Variants in UNC13C observed in about 807,000 individuals in gnomAD.
The protein encoded by UNC13C is protein unc-13 homolog C.
Under a neutral mutation model 245.4 loss-of-function variants are expected in UNC13C, and 174 were observed. That is an observed-to-expected ratio of 0.71 (90% CI 0.63 to 0.80). UNC13C has a LOEUF of 0.80. UNC13C is among the 30% of genes least tolerant of loss of function. The pLI is 0.00. For synonymous variants in UNC13C, 992 were observed against 895.1 expected (o/e 1.11, Z -1.93); for missense variants, 2,829 against 2,602.9 (o/e 1.09, Z -1.89).
intron 1 of UNC13C, among the ~76,000 whole-genome samples, chr15:53,981,646 C>T (rs1893931597): frequency 6.6e-6 from 1 of 152,090 alleles, no homozygotes. Flanking sequence ...TATTAATAGC[C>T]CTCTCAATCT....
At chr15:54,288,047 A>G (rs2037193976) in intron 10 of UNC13C, among the ~76,000 whole-genome samples, 1 of 152,168 alleles carries the variant, frequency 6.6e-6, no homozygotes, top group South Asian at 2.1e-4. Context: ...TCTTTGTCCA[A>G]CACTCCCAAT....
At chr15:54,290,599 T>C (rs993878693) in intron 10 of UNC13C, among the ~76,000 whole-genome samples, 1 of 152,072 alleles carries the variant, frequency 6.6e-6, no homozygotes, top group African/African-American at 2.4e-5. Flanking sequence ...ATATCATGTA[T>C]ATGTATTATG....
chr15:53,893,130 G>A, the UNC13C span, among the ~76,000 whole-genome samples: 1 of 152,130 alleles, frequency 6.6e-6, no homozygotes, highest in Non-Finnish European at 1.5e-5. Flanking sequence ...AGATCTGCTG[G>A]AGTTTTCTGA....
the UNC13C span, among the ~76,000 whole-genome samples, chr15:53,863,801 T>C: frequency 6.6e-6 from 1 of 152,236 alleles, no homozygotes; most frequent in Non-Finnish European, 1.5e-5. Context: ...ATGTGCTTAC[T>C]GTGCTTCTAA....
intron 19 of UNC13C, among the ~76,000 whole-genome samples, chr15:54,420,013 G>T (rs1312831568): frequency 6.6e-6 from 1 of 151,898 alleles, no homozygotes; most frequent in Non-Finnish European, 1.5e-5. Flanking sequence ...AATTGTTTTA[G>T]TAGCTAATTA....
At chr15:54,342,302 C>T (rs1304247734) in intron 17 of UNC13C, among the ~76,000 whole-genome samples, 2 of 152,078 alleles carry the variant, frequency 1.3e-5, no homozygotes, top group Non-Finnish European at 2.9e-5. Flanking sequence ...TTTTCTAATG[C>T]ATACTATGAC....
At chr15:54,473,370 T>C (rs1025399905) in intron 19 of UNC13C, among the ~76,000 whole-genome samples, 1 of 151,938 alleles carries the variant, frequency 6.6e-6, no homozygotes, top group Non-Finnish European at 1.5e-5. Flanking sequence ...ACAGTTCAAA[T>C]CTTTTAGTTA....
At chr15:54,144,693 C>T (rs1030410830) in intron 4 of UNC13C, among the ~76,000 whole-genome samples, 6 of 152,066 alleles carry the variant, frequency 3.9e-5, no homozygotes, top group South Asian at 2.1e-4. Flanking sequence ...AAATTTTCTA[C>T]TTTATTATTT....
intron 4 of UNC13C, among the ~76,000 whole-genome samples, chr15:54,170,522 C>T (rs949145118): frequency 1.1e-4 from 16 of 151,964 alleles, no homozygotes; most frequent in African/African-American, 3.1e-4. Flanking sequence ...TCAAGTTTTC[C>T]CTTTTTAAAA....
rs985120734 is a variant in UNC13C, at chr15:54,017,484, A to G, written c.2983+1598A>G. Among the ~76,000 whole-genome samples the G allele has an allele frequency of 7.5e-5, 11 of 147,592 alleles. No homozygotes were observed. The East Asian group carries it at 8.0e-4, about 11-fold the overall frequency. On this transcript the variant is annotated intron_variant, in intron 2 of 32. Transcript: ENST00000260323. ...AATGAAGACTAAGAAGTGCATGAGC[A>G]TGTGTGTGTGTGTGTGTGTGTGTGT...
intron 30 of UNC13C, among the ~76,000 whole-genome samples, chr15:54,577,273 C>A (rs1283849822): frequency 6.6e-6 from 1 of 152,020 alleles, no homozygotes; most frequent in African/African-American, 2.4e-5. Context: ...AAAAACCGAC[C>A]AGGAAAAAAT....
intron 4 of UNC13C, among the ~76,000 whole-genome samples, chr15:54,165,361 G>A (rs1275713267): frequency 2.6e-5 from 4 of 151,974 alleles, no homozygotes; most frequent in African/African-American, 4.8e-5. Context: ...TGTTATAAGC[G>A]CTATGTGTCA....
At chr15:54,528,036 G>A (rs986702701) in intron 25 of UNC13C, among the ~76,000 whole-genome samples, 2 of 152,056 alleles carry the variant, frequency 1.3e-5, no homozygotes, top group Non-Finnish European at 2.9e-5. Context: ...AGAATTAAGT[G>A]CATAATTAAT....
chr15:54,484,859 A>C (rs1039846279), intron 19 of UNC13C, among the ~76,000 whole-genome samples: 1 of 152,204 alleles, frequency 6.6e-6, no homozygotes, highest in Non-Finnish European at 1.5e-5. Context: ...ATGTACCATA[A>C]ATTTCAAGAG....
At chr15:53,853,557 G>A in the UNC13C span, among the ~76,000 whole-genome samples, 1 of 152,254 alleles carries the variant, frequency 6.6e-6, no homozygotes, top group Middle Eastern at 3.4e-3. Flanking sequence ...CTAGGTCTTT[G>A]AGAAAACTCT....
chr15:54,237,213 C>T (rs1241529687), intron 6 of UNC13C, among the ~76,000 whole-genome samples: 1 of 152,118 alleles, frequency 6.6e-6, no homozygotes, highest in African/African-American at 2.4e-5. Flanking sequence ...AATTATGATT[C>T]AGGGCCATCA....
chr15:53,887,640 T>A, the UNC13C span, among the ~76,000 whole-genome samples: 4 of 149,800 alleles, frequency 2.7e-5, no homozygotes, highest in African/African-American at 9.7e-5. Context: ...TTTTGTTACA[T>A]GTGCCATTGT....
chr15:54,050,338 C>G, intron 2 of UNC13C: 1 of 570,628 alleles, frequency 1.8e-6, no homozygotes, highest in Non-Finnish European at 3.5e-6. Flanking sequence ...CAGGACCCCA[C>G]ACTACTGAAT....
intron 24 of UNC13C, among the ~76,000 whole-genome samples, chr15:54,515,185 A>G (rs1255666292): frequency 6.6e-6 from 1 of 152,156 alleles, no homozygotes; most frequent in African/African-American, 2.4e-5. Flanking sequence ...TTATGTGGAT[A>G]CAGTTTTGGG....
Sources: allele counts gnomAD v4.1 joint callset (sites outside exome capture counted in the v4.1 genomes callset), GRCh38; gene constraint gnomAD v4.1.1; transcripts MANE v1.5; gene names NCBI Gene and HGNC (gene_info 2026-07-23, HGNC 2026-07-21).